FBLN7: variants seen among roughly 807,000 people sequenced by gnomAD.
FBLN7 encodes fibulin 7.
In FBLN7, 31 loss-of-function variants were observed where a neutral mutation model predicts 44.0. That is an observed-to-expected ratio of 0.70 (90% CI 0.53 to 0.95). The LOEUF (loss-of-function observed/expected upper bound fraction) is 0.95. Among genes scored for constraint, FBLN7 ranks in the 40% least tolerant of loss-of-function variants. The pLI is 0.00. For synonymous variants in FBLN7, 262 were observed against 253.4 expected, an observed-to-expected ratio of 1.03 and a Z score of -0.32; for missense variants, 573 against 618.5, an observed-to-expected ratio of 0.93 and a Z score of 0.78.
intron 3 of FBLN7, among the ~76,000 whole-genome samples, chr2:112,171,509 A>G (rs2104584987): frequency 6.6e-6 from 1 of 152,278 alleles, no homozygotes; most frequent in South Asian, 2.1e-4. Flanking sequence ...ACCTTTAAAA[A>G]AAAGATTTGA....
the FBLN7 span, among the ~76,000 whole-genome samples, chr2:112,237,968 C>A: frequency 6.6e-6 from 1 of 152,136 alleles, no homozygotes; most frequent in African/African-American, 2.4e-5. Flanking sequence ...TGACATACAA[C>A]CATTCCAGTC....
At chr2:112,239,579 C>CTTTTTTTTT in the FBLN7 span, among the ~76,000 whole-genome samples, 20 of 86,486 alleles carry the variant, frequency 2.3e-4, no homozygotes, top group Non-Finnish European at 3.3e-4. Flanking sequence ...TAACAGTTTA[C>CTTTTTTTTT]TTTTTTTTTT....
rs756955236 is a variant in FBLN7 at position 112,181,878 on chromosome 2, T to C, written c.670+2T>C. The C allele has an allele frequency of 6.5e-7, 1 of 1,533,392 alleles. No individual in the cohort carries two copies. Among genetic ancestry groups the C allele is most frequent in the Non-Finnish European group, 8.7e-7 (1 of 1,145,528 alleles). The allele number at this position is 1,533,392 out of a possible 1,614,324, so 95.0% of individuals were successfully genotyped here. A position where few individuals can be genotyped will look rare whatever the true frequency, so the allele number is the denominator to read the frequency against. On this transcript the variant is annotated splice_donor_variant, in intron 5 of 7. Coordinates refer to ENST00000331203, the MANE Select transcript of FBLN7 (RefSeq NM_153214.3). LOFTEE classifies it high-confidence loss of function. Reference sequence around the variant, plus strand: ...CCGCCGGCGACAGCGTCTGCCAGGGTAGGCGCGGGCTCCGCCAGGACACTG... The same window carrying C: ...CCGCCGGCGACAGCGTCTGCCAGGGCAGGCGCGGGCTCCGCCAGGACACTG...
chr2:112,149,797 C>T (rs183597715), intron 1 of FBLN7, among the ~76,000 whole-genome samples: 2 of 152,318 alleles, frequency 1.3e-5, no homozygotes, highest in South Asian at 2.1e-4. Flanking sequence ...CATCCATTTG[C>T]ACAAGTCTCA....
At chr2:112,218,260 C>T in the FBLN7 span, among the ~76,000 whole-genome samples, 1 of 152,180 alleles carries the variant, frequency 6.6e-6, no homozygotes, top group Admixed American at 6.5e-5. Context: ...CAAGGACATT[C>T]TTAAATGAAC....
At chr2:112,184,294 C>G (rs1683139494) in intron 6 of FBLN7, among the ~76,000 whole-genome samples, 1 of 152,208 alleles carries the variant, frequency 6.6e-6, no homozygotes, top group African/African-American at 2.4e-5. Context: ...GGGCAGAGGG[C>G]TCCTCCATGG....
chr2:112,226,315 G>A, the FBLN7 span, among the ~76,000 whole-genome samples: 4 of 151,728 alleles, frequency 2.6e-5, no homozygotes, highest in South Asian at 2.1e-4. Flanking sequence ...GCGGCTGGGC[G>A]CGGTAGCTCA....
At chr2:112,210,622 C>G in the FBLN7 span, among the ~76,000 whole-genome samples, 1 of 133,714 alleles carries the variant, frequency 7.5e-6, no homozygotes, top group Non-Finnish European at 1.5e-5. Context: ...TGCCACTGCA[C>G]TCCAGCCTGC....
In FBLN7 at chr2:112,138,520, C is replaced by T. The variant is rs1162285666; in HGVS notation, c.-136C>T. ...GCGCTGCGCTCGGGGCCTCCCGCCTCCCCCCCTGCCCCAGCCGCCCCCCGG... is the reference window on the plus strand; with the variant it reads ...GCGCTGCGCTCGGGGCCTCCCGCCTTCCCCCCTGCCCCAGCCGCCCCCCGG... On this transcript the variant is annotated 5_prime_UTR_variant, in exon 1 of 8. Transcript: ENST00000331203. The T allele has an allele frequency of 6.0e-5, 70 of 1,158,144 alleles. No homozygotes were observed. The highest frequency in any genetic ancestry group is 7.9e-5 in the Non-Finnish European group (68 of 858,372). The allele number at this position is 1,158,144 out of a possible 1,614,324, so 71.7% of individuals were successfully genotyped here.
intron 1 of FBLN7, among the ~76,000 whole-genome samples, chr2:112,155,948 C>T (rs1005623842): frequency 3.9e-5 from 6 of 152,194 alleles, no homozygotes; most frequent in African/African-American, 9.6e-5. Flanking sequence ...AGATTTCTCC[C>T]GGCTTCAAAA....
chr2:112,169,547 T>G (rs969850842), intron 3 of FBLN7, among the ~76,000 whole-genome samples: 7 of 152,234 alleles, frequency 4.6e-5, no homozygotes, highest in African/African-American at 1.7e-4. Flanking sequence ...CTTATCGTCA[T>G]GCTGGTGGAA....
the FBLN7 span, among the ~76,000 whole-genome samples, chr2:112,210,642 T>G: frequency 9.7e-6 from 1 of 103,588 alleles, no homozygotes. Context: ...CGTGACAGAG[T>G]GAGACTCTGT....
At position 112,138,637 on chromosome 2, in the gene FBLN7, C is replaced by A; in HGVS notation, c.-19C>A. 1 of 1,613,804 alleles carries A rather than the reference C, an allele frequency of 6.2e-7. No homozygotes were observed. Among genetic ancestry groups the A allele is most frequent in the Non-Finnish European group, 8.5e-7 (1 of 1,179,874 alleles). On this transcript the variant is annotated 5_prime_UTR_variant, in exon 1 of 8. Transcript: ENST00000331203. ...CAAAGTTATTTCCCCTCCCAGGCAG[C>A]GGGATTCCGACTGGCAAGATGGTGC...
intron 1 of FBLN7, among the ~76,000 whole-genome samples, chr2:112,154,620 C>T (rs1239020459): frequency 2.0e-5 from 3 of 152,222 alleles, no homozygotes; most frequent in African/African-American, 4.8e-5. Flanking sequence ...GCCAGCCCTT[C>T]ACTGAGCAGC....
intron 1 of FBLN7, among the ~76,000 whole-genome samples, chr2:112,146,678 T>C (rs1680915691): frequency 6.6e-6 from 1 of 151,882 alleles, no homozygotes; most frequent in Non-Finnish European, 1.5e-5. Context: ...TGGAACTCGA[T>C]CATTATTTAT....
At chr2:112,175,969 G>A (rs1682721640) in intron 4 of FBLN7, 130 bp downstream of exon 4, 3 of 1,184,652 alleles carry the variant, frequency 2.5e-6, no homozygotes, top group Admixed American at 5.3e-5. Context: ...TTTCCTCTCT[G>A]TTTCACATCC....
the FBLN7 span, among the ~76,000 whole-genome samples, chr2:112,206,511 T>C: frequency 1.1e-4 from 17 of 152,316 alleles, no homozygotes; most frequent in South Asian, 2.3e-3. Flanking sequence ...GACTTGAGAT[T>C]CCTGGGTTCA....
chr2:112,192,326 G>A (rs1448892786), downstream of FBLN7, among the ~76,000 whole-genome samples: 1 of 152,086 alleles, frequency 6.6e-6, no homozygotes, highest in Non-Finnish European at 1.5e-5. Flanking sequence ...AATCAAAGAA[G>A]GCCCCAGTGA....
chr2:112,234,102 G>C, the FBLN7 span: 2 of 1,379,526 alleles, frequency 1.4e-6, no homozygotes, highest in Admixed American at 2.3e-5. Context: ...GTAGATTTTT[G>C]CTTACACATT....
Sources: allele counts gnomAD v4.1 joint callset (sites outside exome capture counted in the v4.1 genomes callset), GRCh38; gene constraint gnomAD v4.1.1; transcripts MANE v1.5; gene names NCBI Gene and HGNC (gene_info 2026-07-23, HGNC 2026-07-21).